Variants in GLI3 observed in about 807,000 individuals in gnomAD.
The protein encoded by GLI3 is transcription activator GLI3.
Under a neutral mutation model 100.8 loss-of-function variants are expected in GLI3, and 20 were observed. That is an observed-to-expected ratio of 0.20 (90% CI 0.14 to 0.29). The LOEUF (loss-of-function observed/expected upper bound fraction) is 0.29, where lower values mean the gene tolerates loss of function less well. Ranked by LOEUF, GLI3 falls within the 10% of genes least tolerant of loss-of-function variation. GLI3 has a pLI of 1.00. For missense variants in GLI3, 2,040 were observed against 2,128.5 expected, an observed-to-expected ratio of 0.96 and a Z score of 0.82; for synonymous variants, 938 against 860.5, an observed-to-expected ratio of 1.09 and a Z score of -1.58.
chr7:42,220,372 G>A (rs1788462702), intron 2 of GLI3, among the ~76,000 whole-genome samples: 1 of 152,150 alleles, frequency 6.6e-6, no homozygotes, highest in South Asian at 2.1e-4. Flanking sequence ...GAGGGACAGA[G>A]GGACAGATGG....
chr7:42,222,580 A>G (rs989752396), intron 2 of GLI3, among the ~76,000 whole-genome samples: 1 of 152,216 alleles, frequency 6.6e-6, no homozygotes, highest in Non-Finnish European at 1.5e-5. Flanking sequence ...GCTCTGTGTT[A>G]TCTCTGAACA....
chr7:42,055,240 C>T (rs970891308), intron 4 of GLI3, among the ~76,000 whole-genome samples: 4 of 151,778 alleles, frequency 2.6e-5, no homozygotes, highest in Non-Finnish European at 5.9e-5. Flanking sequence ...TTTTTTTTCC[C>T]TCTATGCAAG....
intron 2 of GLI3, among the ~76,000 whole-genome samples, chr7:42,182,907 C>T (rs560336652): frequency 6.6e-6 from 1 of 151,780 alleles, no homozygotes; most frequent in East Asian, 1.9e-4. Context: ...CATGGCGAAA[C>T]CCTGTCTCTA....
chr7:42,081,109 C>T (rs1314843688), intron 3 of GLI3, among the ~76,000 whole-genome samples: 1 of 152,184 alleles, frequency 6.6e-6, no homozygotes, highest in Non-Finnish European at 1.5e-5. Flanking sequence ...CATACAATTT[C>T]CTGACTGATG....
chr7:42,238,533 A>G (rs1321735302), upstream of GLI3, among the ~76,000 whole-genome samples: 1 of 152,156 alleles, frequency 6.6e-6, no homozygotes, highest in Admixed American at 6.5e-5. Flanking sequence ...TGCTGTCCCT[A>G]TGGGCCACTT....
chr7:42,242,267 C>G (rs545434210), upstream of GLI3, among the ~76,000 whole-genome samples: 19 of 152,314 alleles, frequency 1.2e-4, no homozygotes, highest in African/African-American at 4.1e-4. Flanking sequence ...TCAGGTGAAG[C>G]CTGTACTCCT....
chr7:42,080,492 A>T (rs2128752944), intron 3 of GLI3, among the ~76,000 whole-genome samples: 1 of 152,318 alleles, frequency 6.6e-6, no homozygotes, highest in South Asian at 2.1e-4. Context: ...CCTCTTGATT[A>T]AATTTAAAAT....
chr7:42,114,735 CCT>C (rs1213062789), intron 3 of GLI3, among the ~76,000 whole-genome samples: 3 of 151,770 alleles, frequency 2.0e-5, no homozygotes, highest in Non-Finnish European at 2.9e-5. Context: ...GGAGTCTTGC[CCT>C]GTCACCCAGG....
chr7:42,054,102 T>C (rs1036396901), intron 4 of GLI3, among the ~76,000 whole-genome samples: 7 of 152,200 alleles, frequency 4.6e-5, no homozygotes, highest in Non-Finnish European at 1.5e-5. Flanking sequence ...TATTGCCCAG[T>C]GGAAACTGTT....
chr7:42,000,720 T>C (rs994839355), intron 10 of GLI3, among the ~76,000 whole-genome samples: 3 of 151,940 alleles, frequency 2.0e-5, no homozygotes, highest in Non-Finnish European at 2.9e-5. Context: ...AGTCTAAACA[T>C]ACAACAGCAG....
chr7:42,067,020 A>G (rs1480627463), intron 4 of GLI3, among the ~76,000 whole-genome samples: 2 of 152,210 alleles, frequency 1.3e-5, no homozygotes, highest in African/African-American at 4.8e-5. Flanking sequence ...ACGCATATAC[A>G]GTAACATAGT....
chr7:42,153,138 C>G (rs1159442613), intron 2 of GLI3, among the ~76,000 whole-genome samples: 2 of 152,154 alleles, frequency 1.3e-5, no homozygotes, highest in Admixed American at 6.5e-5. Context: ...ATTTCAGAGC[C>G]CTTTCCTCCT....
chr7:42,143,516 G>T (rs898715931), intron 3 of GLI3, among the ~76,000 whole-genome samples: 2 of 152,170 alleles, frequency 1.3e-5, no homozygotes, highest in African/African-American at 4.8e-5. Context: ...CTCAGAAGAT[G>T]TATTTCTAAA....
chr7:42,035,294 T>C (rs1004713881), intron 7 of GLI3, among the ~76,000 whole-genome samples: 5 of 152,218 alleles, frequency 3.3e-5, no homozygotes, highest in African/African-American at 1.2e-4. Flanking sequence ...GAGGCCGAGC[T>C]GACTTCCACC....
chr7:42,094,355 C>T (rs1235616133), intron 3 of GLI3, among the ~76,000 whole-genome samples: 1 of 152,180 alleles, frequency 6.6e-6, no homozygotes, highest in African/African-American at 2.4e-5. Flanking sequence ...GTAATCCCAG[C>T]ACTTTGGGAG....
intron 4 of GLI3, among the ~76,000 whole-genome samples, chr7:42,060,127 C>T (rs1160873541): frequency 6.6e-6 from 1 of 152,214 alleles, no homozygotes; most frequent in Non-Finnish European, 1.5e-5. Flanking sequence ...GGGAAGTATA[C>T]AGAAAGCATG....
intron 4 of GLI3, among the ~76,000 whole-genome samples, chr7:42,059,360 G>A (rs1784522612): frequency 6.6e-6 from 1 of 151,038 alleles, no homozygotes; most frequent in South Asian, 2.1e-4. Context: ...ACTAGAGTTG[G>A]TAAGAAGGAT....
intron 3 of GLI3, among the ~76,000 whole-genome samples, chr7:42,094,291 A>G (rs1008966789): frequency 4.6e-5 from 7 of 152,352 alleles, no homozygotes; most frequent in African/African-American, 1.7e-4. Flanking sequence ...TAGTTGCTGA[A>G]TACAGGAACA....
chr7:42,239,576 TACAA>T (rs1230093159), upstream of GLI3, among the ~76,000 whole-genome samples: 2 of 152,018 alleles, frequency 1.3e-5, no homozygotes, highest in African/African-American at 4.8e-5. Flanking sequence ...AAAAAATAAA[TACAA>T]AGAAAGACAG....
Sources: allele counts gnomAD v4.1 joint callset (sites outside exome capture counted in the v4.1 genomes callset), GRCh38; gene constraint gnomAD v4.1.1; transcripts MANE v1.5; gene names NCBI Gene and HGNC (gene_info 2026-07-23, HGNC 2026-07-21).